Variants in PRKG1 observed in about 807,000 individuals in gnomAD.
PRKG1 encodes protein kinase cGMP-dependent 1, also known as cGMP-dependent protein kinase 1.
A neutral mutation model predicts 88.1 loss-of-function variants in PRKG1; 35 were observed. The observed-to-expected ratio is 0.40, with a 90% CI of 0.30 to 0.53. PRKG1 has a LOEUF of 0.53. Ranked by LOEUF, PRKG1 falls within the 20% of genes least tolerant of loss-of-function variation. The pLI is 0.59. For missense variants in PRKG1, 540 were observed against 839.8 expected (o/e 0.64, Z 4.41); for synonymous variants, 303 against 292.5 (o/e 1.04, Z -0.37).
intron 3 of PRKG1, among the ~76,000 whole-genome samples, chr10:51,702,488 A>G (rs1841493731): frequency 6.6e-6 from 1 of 152,158 alleles, no homozygotes; most frequent in African/African-American, 2.4e-5. Flanking sequence ...TTTTATTCCC[A>G]TAAAGTTTAA....
chr10:51,840,778 T>C (rs931409455), intron 4 of PRKG1, among the ~76,000 whole-genome samples: 8 of 152,104 alleles, frequency 5.3e-5, no homozygotes, highest in African/African-American at 1.9e-4. Flanking sequence ...ACTCCAGCCC[T>C]CAGGTGACCT....
intron 9 of PRKG1, among the ~76,000 whole-genome samples, chr10:52,205,773 A>G (rs917685538): frequency 2.0e-5 from 3 of 152,222 alleles, no homozygotes; most frequent in African/African-American, 7.2e-5. Context: ...ATTTCTGCTG[A>G]AAGTTCTGCC....
chr10:51,946,367 T>G (rs1467877939), intron 5 of PRKG1, among the ~76,000 whole-genome samples: 2 of 151,998 alleles, frequency 1.3e-5, no homozygotes, highest in African/African-American at 2.4e-5. Flanking sequence ...TCGTCTAAAT[T>G]TTTTCCAAAG....
intron 3 of PRKG1, among the ~76,000 whole-genome samples, chr10:51,604,850 C>T (rs920733719): frequency 1.3e-5 from 2 of 152,192 alleles, no homozygotes; most frequent in African/African-American, 4.8e-5. Context: ...TTCAGCTATG[C>T]CATCTGCAGA....
intron 1 of PRKG1, among the ~76,000 whole-genome samples, chr10:51,110,694 T>C (rs1844961797): frequency 6.6e-6 from 1 of 152,180 alleles, no homozygotes; most frequent in Non-Finnish European, 1.5e-5. Context: ...GTATATTTTA[T>C]ACAAAATTTT....
intron 7 of PRKG1, among the ~76,000 whole-genome samples, chr10:52,113,021 A>G (rs932402207): frequency 6.6e-6 from 1 of 152,158 alleles, no homozygotes; most frequent in African/African-American, 2.4e-5. Flanking sequence ...CCTTGGGGAA[A>G]TTGCTTAACC....
intron 2 of PRKG1, among the ~76,000 whole-genome samples, chr10:51,420,289 G>T (rs1838372809): frequency 6.6e-6 from 1 of 152,106 alleles, no homozygotes; most frequent in Non-Finnish European, 1.5e-5. Flanking sequence ...CTTCTCTTGA[G>T]CAGGATTTCT....
chr10:51,670,067 T>C (rs1840519713), intron 3 of PRKG1, among the ~76,000 whole-genome samples: 1 of 152,154 alleles, frequency 6.6e-6, no homozygotes, highest in African/African-American at 2.4e-5. Context: ...TGTGAATGAG[T>C]TTAAACTTGC....
intron 2 of PRKG1, among the ~76,000 whole-genome samples, chr10:51,295,129 T>C (rs574179840): frequency 6.5e-4 from 99 of 152,264 alleles, no homozygotes; most frequent in African/African-American, 2.3e-3. Flanking sequence ...AGGTCTTTTA[T>C]GGTTCCATAT....
chr10:52,094,799 G>A (rs1448207373), intron 7 of PRKG1, among the ~76,000 whole-genome samples: 1 of 152,036 alleles, frequency 6.6e-6, no homozygotes, highest in Non-Finnish European at 1.5e-5. Context: ...CCATCTTGAG[G>A]ACCCTACTAC....
chr10:51,981,037 A>G (rs762165271), intron 5 of PRKG1, among the ~76,000 whole-genome samples: 17 of 152,044 alleles, frequency 1.1e-4, no homozygotes, highest in Non-Finnish European at 1.9e-4. Flanking sequence ...ATGTTAGGCA[A>G]TTATTATGCA....
intron 2 of PRKG1, among the ~76,000 whole-genome samples, chr10:51,160,875 CGT>C (rs71459406): frequency 2.8e-4 from 42 of 150,016 alleles, no homozygotes; most frequent in East Asian, 1.2e-3. Context: ...TCTTCATGCT[CGT>C]GTGTGTGTGT....
At chr10:52,243,717 T>C (rs1840926904) in intron 9 of PRKG1, among the ~76,000 whole-genome samples, 1 of 151,272 alleles carries the variant, frequency 6.6e-6, no homozygotes, top group East Asian at 1.9e-4. Flanking sequence ...TGTTATCTTA[T>C]CTTCACAAAG....
chr10:51,291,446 G>A (rs185687972), intron 2 of PRKG1, among the ~76,000 whole-genome samples: 65 of 152,234 alleles, frequency 4.3e-4, no homozygotes, highest in Admixed American at 3.9e-3. Flanking sequence ...GACATAACCA[G>A]AGTCTGCTGC....
intron 3 of PRKG1, among the ~76,000 whole-genome samples, chr10:51,754,920 G>A (rs991113086): frequency 6.6e-6 from 1 of 151,336 alleles, no homozygotes; most frequent in African/African-American, 2.4e-5. Flanking sequence ...GAATGGATTG[G>A]CTCCCCACAG....
At chr10:52,043,956 C>T (rs1845808637) in intron 5 of PRKG1, among the ~76,000 whole-genome samples, 1 of 149,942 alleles carries the variant, frequency 6.7e-6, no homozygotes, top group African/African-American at 2.4e-5. Context: ...GAATTTCAGC[C>T]CAGGTTATCC....
intron 3 of PRKG1, among the ~76,000 whole-genome samples, chr10:51,581,564 T>A (rs1311991715): frequency 6.6e-6 from 1 of 152,144 alleles, no homozygotes; most frequent in East Asian, 1.9e-4. Flanking sequence ...GGGATAGGAA[T>A]CTTGGTGATG....
intron 2 of PRKG1, among the ~76,000 whole-genome samples, chr10:51,253,759 G>A (rs1416116786): frequency 2.0e-5 from 3 of 151,926 alleles, no homozygotes; most frequent in African/African-American, 7.2e-5. Flanking sequence ...TGCCCATCAG[G>A]ATGGAAAGAC....
chr10:51,981,451 T>C (rs528977328), intron 5 of PRKG1, among the ~76,000 whole-genome samples: 1 of 152,002 alleles, frequency 6.6e-6, no homozygotes, highest in East Asian at 1.9e-4. Context: ...CCAGGCATAG[T>C]GGCATGTACC....
Sources: gnomAD v4.1 joint callset for allele counts (sites outside exome capture counted in the v4.1 genomes callset) on GRCh38, gnomAD v4.1.1 for gene constraint, MANE v1.5 for transcripts, NCBI Gene and HGNC (gene_info 2026-07-23, HGNC 2026-07-21) for gene names.